SEMA3C: variants seen among roughly 807,000 people sequenced by gnomAD.
The protein encoded by SEMA3C is semaphorin-3C.
SEMA3C carries 47 observed loss-of-function variants against 89.4 expected under a neutral mutation model. The observed-to-expected ratio is 0.53, with a 90% CI of 0.42 to 0.67. SEMA3C has a LOEUF of 0.67. SEMA3C is among the 30% of genes least tolerant of loss of function. The probability of loss-of-function intolerance (pLI) is 0.00; values close to 1 mark genes in which losing one functional copy is unlikely to be tolerated. For synonymous variants in SEMA3C, 310 were observed against 320.2 expected (o/e 0.97, Z 0.34); for missense variants, 839 against 929.1 (o/e 0.90, Z 1.26).
At chr7:80,851,102 T>C (rs1790500338) in intron 2 of SEMA3C, among the ~76,000 whole-genome samples, 1 of 152,180 alleles carries the variant, frequency 6.6e-6, no homozygotes, top group Non-Finnish European at 1.5e-5. Flanking sequence ...AGCCTCTCTC[T>C]TGATAAGTAC....
intron 2 of SEMA3C, among the ~76,000 whole-genome samples, chr7:80,870,553 G>A (rs567849073): frequency 1.3e-5 from 2 of 152,106 alleles, no homozygotes; most frequent in African/African-American, 2.4e-5. Flanking sequence ...CAGACAGGGC[G>A]TACCACGTAT....
intron 6 of SEMA3C, 51 bp downstream of exon 6, chr7:80,810,560 A>AT (rs1231227980): frequency 6.9e-7 from 1 of 1,456,998 alleles, no homozygotes; most frequent in Non-Finnish European, 9.6e-7. Flanking sequence ...TGTCAAGCTA[A>AT]TTTTCCATGT....
intron 17 of SEMA3C, among the ~76,000 whole-genome samples, chr7:80,747,770 G>A (rs1025013381): frequency 2.4e-4 from 37 of 152,210 alleles, no homozygotes; most frequent in African/African-American, 8.4e-4. Flanking sequence ...TTAGAAGAAT[G>A]ATGGGGCTCT....
At chr7:80,774,118 G>A (rs564296060) in intron 12 of SEMA3C, among the ~76,000 whole-genome samples, 50 of 152,284 alleles carry the variant, frequency 3.3e-4, no homozygotes, top group African/African-American at 1.1e-3. Context: ...TTTGAGTCCT[G>A]TAAAACTGGA....
At chr7:80,750,926 G>A (rs2117032471) in intron 16 of SEMA3C, among the ~76,000 whole-genome samples, 1 of 152,194 alleles carries the variant, frequency 6.6e-6, no homozygotes, top group Middle Eastern at 3.4e-3. Context: ...GTAAAAAAAT[G>A]CTGTTCTAAG....
At chr7:80,905,222 CAG>C (rs1433954316) in intron 2 of SEMA3C, among the ~76,000 whole-genome samples, 1 of 91,960 alleles carries the variant, frequency 1.1e-5, no homozygotes, top group Non-Finnish European at 2.0e-5. Context: ...TAGGGAGAGA[CAG>C]GGAGAGAGAG....
intron 2 of SEMA3C, among the ~76,000 whole-genome samples, chr7:80,865,986 CTTT>C (rs1488247922): frequency 6.6e-6 from 1 of 152,034 alleles, no homozygotes; most frequent in Admixed American, 6.6e-5. Context: ...TAGTTTTCTT[CTTT>C]TGTCTATCAC....
At chr7:80,913,261 C>A (rs1418830496) in intron 2 of SEMA3C, among the ~76,000 whole-genome samples, 1 of 152,046 alleles carries the variant, frequency 6.6e-6, no homozygotes, top group Non-Finnish European at 1.5e-5. Flanking sequence ...ATTAGCTGGG[C>A]ATGGTGTCGC....
intron 4 of SEMA3C, 124 bp downstream of exon 4, chr7:80,827,301 G>A: frequency 5.0e-6 from 5 of 997,210 alleles, no homozygotes; most frequent in Non-Finnish European, 6.9e-6. Context: ...TTTAGCCTGT[G>A]TCCAGCAAAA....
chr7:80,804,713 G>A (rs527771746), intron 7 of SEMA3C, among the ~76,000 whole-genome samples: 29 of 152,250 alleles, frequency 1.9e-4, no homozygotes, highest in South Asian at 1.2e-3. Context: ...AGCGTCATTA[G>A]TCATTTGGAG....
chr7:80,914,191 T>C (rs1039584877), intron 2 of SEMA3C, among the ~76,000 whole-genome samples: 5 of 152,198 alleles, frequency 3.3e-5, no homozygotes, highest in Admixed American at 1.3e-4. Flanking sequence ...AATAGAACTT[T>C]AGAAATACGA....
chr7:80,807,711 A>G (rs906798019), intron 6 of SEMA3C, among the ~76,000 whole-genome samples: 4 of 152,176 alleles, frequency 2.6e-5, no homozygotes, highest in Non-Finnish European at 5.9e-5. Context: ...AGCACACTGA[A>G]CTTGCAAAAC....
intron 12 of SEMA3C, among the ~76,000 whole-genome samples, chr7:80,772,863 T>C (rs1414089914): frequency 6.6e-6 from 1 of 152,168 alleles, no homozygotes; most frequent in Non-Finnish European, 1.5e-5. Flanking sequence ...TGTTCAATTA[T>C]ACAAACAGTT....
intron 2 of SEMA3C, among the ~76,000 whole-genome samples, chr7:80,840,508 C>A (rs919091067): frequency 7.7e-6 from 1 of 129,484 alleles, no homozygotes; most frequent in African/African-American, 3.0e-5. Context: ...GACAGAGCAC[C>A]TGTCTCCAGG....
At chr7:80,749,325 T>A (rs181598123) in intron 16 of SEMA3C, among the ~76,000 whole-genome samples, 74 of 152,316 alleles carry the variant, frequency 4.9e-4, no homozygotes, top group African/African-American at 1.5e-3. Context: ...CTTTGTTGAC[T>A]TAATTATTAC....
chr7:80,908,445 A>G (rs1033650348), intron 2 of SEMA3C, among the ~76,000 whole-genome samples: 1 of 152,180 alleles, frequency 6.6e-6, no homozygotes, highest in Non-Finnish European at 1.5e-5. Flanking sequence ...GCACATAATT[A>G]AAGACTACAT....
At chr7:80,910,285 T>C (rs1381815965) in intron 2 of SEMA3C, among the ~76,000 whole-genome samples, 2 of 152,208 alleles carry the variant, frequency 1.3e-5, no homozygotes, top group Non-Finnish European at 2.9e-5. Flanking sequence ...AGAAGTAACA[T>C]ATCCCTATTG....
At position 80,918,968 on chromosome 7, in the gene SEMA3C, G is replaced by A. The variant is rs1792344109; in HGVS notation, c.-179C>T. On this transcript the variant is annotated 5_prime_UTR_variant, in exon 1 of 18. Transcript: ENST00000265361. ...AAATTCTTTCTTCCCGGTCCTCTGAGTTTCTTTGTAAAGGAATCTCAGCGC... is the reference window on the plus strand; with the variant it reads ...AAATTCTTTCTTCCCGGTCCTCTGAATTTCTTTGTAAAGGAATCTCAGCGC... 1 of 985,284 alleles carries A rather than the reference G, an allele frequency of 1.0e-6. No homozygotes were observed. Among genetic ancestry groups the A allele is most frequent in the Non-Finnish European group, 1.2e-6 (1 of 829,948 alleles). 61.0% of individuals were successfully genotyped at this position (985,284 alleles called of 1,614,324 possible). A position where few individuals can be genotyped will look rare whatever the true frequency, so the allele number is the denominator to read the frequency against.
At chr7:80,808,155 C>T (rs181439919) in intron 6 of SEMA3C, among the ~76,000 whole-genome samples, 1 of 152,230 alleles carries the variant, frequency 6.6e-6, no homozygotes, top group Non-Finnish European at 1.5e-5. Context: ...TATTAAATGA[C>T]TTAAGATAAT....
Sources: gnomAD v4.1 joint callset for allele counts (sites outside exome capture counted in the v4.1 genomes callset) on GRCh38, gnomAD v4.1.1 for gene constraint, MANE v1.5 for transcripts, NCBI Gene and HGNC (gene_info 2026-07-23, HGNC 2026-07-21) for gene names.